GDPGP1: variants seen among roughly 807,000 people sequenced by gnomAD.
GDPGP1 encodes GDP-D-glucose phosphorylase 1.
A neutral mutation model predicts 19.2 loss-of-function variants in GDPGP1; 18 were observed. The ratio of observed to expected loss-of-function variants is 0.94; its 90% confidence interval spans 0.65 to 1.39. GDPGP1 has a LOEUF of 1.39. GDPGP1 is among the 40% of genes most tolerant of loss of function. The pLI, the probability that GDPGP1 is intolerant of heterozygous loss-of-function variation, is 0.00. For missense variants in GDPGP1, 449 were observed against 490.5 expected (o/e 0.92, Z 0.80); for synonymous variants, 219 against 208.9 (o/e 1.05, Z -0.42).
Position 90,241,796 on chromosome 15 carries a change from G to C in GDPGP1, c.888G>C (p.Pro296=). The C allele has an allele frequency of 6.2e-7, 1 of 1,614,056 alleles. No homozygotes were observed. The highest frequency in any genetic ancestry group is 8.5e-7 in the Non-Finnish European group (1 of 1,180,034). ...AHNLFVTRGA[P]PGKTSPSSAL... ...ACTTGTTTGTCACCCGGGGAGCTCC[G>C]CCGGGAAAGACATCACCTTCCTCAG... The change falls in exon 4 of 4, where the codon CCG becomes CCC. Residue 296 remains proline, a synonymous_variant. Transcript: ENST00000329600.
chr15:90,237,642 C>A (rs1457868586), intron 2 of GDPGP1, among the ~76,000 whole-genome samples: 1 of 152,110 alleles, frequency 6.6e-6, no homozygotes, highest in African/African-American at 2.4e-5. Context: ...CGTTAAACAT[C>A]CCAAATGTGC....
In GDPGP1 at chr15:90,241,371, G is replaced by A. The variant is rs1185062819; in HGVS notation, c.463G>A (p.Val155Met). ...GACTCTGCTGCAAGAAGACATCCTG[G>A]TGGTGATCAACGTCAGCCCCCTGGA... ...PGTLLQEDIL[V>M]VINVSPLEWG... The change falls in exon 4 of 4, where the codon GTG (valine) becomes ATG (methionine). Residue 155 changes from valine to methionine, a missense_variant. Transcript: ENST00000329600. The A allele has an allele frequency of 5.0e-6, 8 of 1,614,018 alleles. No individual in the cohort carries two copies. Among genetic ancestry groups the A allele is most frequent in the Non-Finnish European group, 6.8e-6 (8 of 1,180,048 alleles).
intron 3 of GDPGP1, among the ~76,000 whole-genome samples, chr15:90,239,615 A>G (rs1962707710): frequency 6.6e-6 from 1 of 152,172 alleles, no homozygotes; most frequent in African/African-American, 2.4e-5. Context: ...CCCATGATTC[A>G]TTTACTTTCC....
In GDPGP1 at chr15:90,241,446, C is replaced by A; in HGVS notation, c.538C>A (p.Arg180Ser). 1.2e-6 allele frequency: 2 copies of A among 1,613,534 alleles called. No individual in the cohort carries two copies. The highest frequency in any genetic ancestry group is 1.1e-5 in the South Asian group (1 of 91,074). The change falls in exon 4 of 4, where the codon CGC (arginine) becomes AGC (serine). Residue 180 changes from arginine to serine, a missense_variant. Arg to Ser is a moderately radical substitution (Grantham distance 110, BLOSUM62 -1). Transcript: ENST00000329600. ...TGAGCCTGCCCGCCAGCTCCCCCAG[C>A]GCCTGCTGCCGGGTGCACTGAGGGC... ...VPEPARQLPQRLLPGALRAGI... is the reference protein window; with the variant it reads ...VPEPARQLPQSLLPGALRAGI...
rs1657249293 is a variant in GDPGP1 at position 90,244,827 on chromosome 15, T to C, written c.*2761T>C. ...GTGCGAGACTCAGTCTCAAAATAAA[T>C]AAATACATAAAGTCTTGGGTCCAGC... On this transcript the variant is annotated 3_prime_UTR_variant, in exon 4 of 4. Transcript: ENST00000329600. 6.6e-6 allele frequency: 1 copy of C among 151,998 alleles called. No individual in the cohort carries two copies. Among genetic ancestry groups the C allele is most frequent in the Admixed American group, 6.6e-5 (1 of 15,254 alleles). The allele number at this position is 151,998 out of a possible 1,614,324, so 9.4% of individuals were successfully genotyped here.
Position 90,241,556 on chromosome 15 carries a change from CCT to C in GDPGP1, c.650_651del (p.Leu217ProfsTer48). ...SLGGLASVNH[L>X]HLHGYYLAHR... Reference sequence around the variant, plus strand: ...TGGGAGGCTTGGCCTCGGTGAACCACCTCCACCTGCATGGCTATTACCTGGCC... The same window carrying C: ...TGGGAGGCTTGGCCTCGGTGAACCACCCACCTGCATGGCTATTACCTGGCC... On this transcript the variant is annotated frameshift_variant, in exon 4 of 4. Transcript: ENST00000329600. LOFTEE classifies it high-confidence loss of function. The C allele has an allele frequency of 6.2e-7, 1 of 1,613,276 alleles. No individual in the cohort carries two copies. Among genetic ancestry groups the C allele is most frequent in the Non-Finnish European group, 8.5e-7 (1 of 1,180,028 alleles).
At position 90,240,936 on chromosome 15, in the gene GDPGP1, A is replaced by G. The variant is rs766515619; in HGVS notation, c.28A>G (p.Thr10Ala). ...GGCTCTTCCACATGATTCAAACGAA[A>G]CTTCCTATTTGCTGCCTCCCAACAA... MALPHDSNE[T>A]SYLLPPNNED... The change falls in exon 4 of 4, where the codon ACT (threonine) becomes GCT (alanine). Residue 10 changes from threonine (T) to alanine (A), a missense_variant. Thr to Ala is a moderately conservative substitution (Grantham distance 58). Transcript: ENST00000329600. The G allele has an allele frequency of 3.1e-6, 5 of 1,614,016 alleles. No homozygotes were observed. In the East Asian group the frequency reaches 1.1e-4, roughly 36 times the overall value.
intron 2 of GDPGP1, among the ~76,000 whole-genome samples, 155 bp from the exon 3 acceptor site, chr15:90,238,337 T>C (rs1013642634): frequency 6.6e-5 from 10 of 152,170 alleles, no homozygotes; most frequent in Admixed American, 2.6e-4. Flanking sequence ...TTTCTAAGTG[T>C]ATAGTCGTGT....
rs575390771 is a variant in GDPGP1, at chr15:90,240,791, G to A, written c.-9-109G>A. ...TCACTGCCACTGCACTCCAGCCTGG[G>A]TGACAGAGTGAGACTCCATCTCAAA... On this transcript the variant is annotated intron_variant, in intron 3 of 3. Transcript: ENST00000329600. 4.0e-4 allele frequency: 280 copies of A among 697,462 alleles called. 2 individuals are homozygous for A. In the African/African-American group the frequency reaches 4.3e-3, roughly 11 times the overall value. The allele number at this position is 697,462 out of a possible 1,614,324, so 43.2% of individuals were successfully genotyped here.
At chr15:90,234,986 G>C (rs1165439180) in intron 2 of GDPGP1, among the ~76,000 whole-genome samples, 2 of 152,180 alleles carry the variant, frequency 1.3e-5, no homozygotes, top group African/African-American at 4.8e-5. Context: ...TATACTTGCT[G>C]ATCTTTGTAA....
chr15:90,241,378 T>A lies in GDPGP1; in HGVS notation c.470T>A (p.Ile157Asn), dbSNP rs1180294452. ...CTGCAAGAAGACATCCTGGTGGTGA[T>A]CAACGTCAGCCCCCTGGAGTGGGGC... Reference protein sequence around the residue: ...TLLQEDILVVINVSPLEWGHV... With the variant: ...TLLQEDILVVNNVSPLEWGHV... Residue 157 changes from isoleucine to asparagine, a missense_variant, in exon 4 of 4, where the codon ATC (isoleucine) becomes AAC (asparagine). Transcript: ENST00000329600. The A allele has an allele frequency of 2.5e-6, 4 of 1,614,074 alleles. No homozygotes were observed.
At position 90,241,763 on chromosome 15, in the gene GDPGP1, T is replaced by C; in HGVS notation, c.855T>C (p.Ile285=). The C allele has an allele frequency of 8.1e-6, 13 of 1,614,230 alleles. No individual in the cohort carries two copies. Among genetic ancestry groups the C allele is most frequent in the Non-Finnish European group, 1.1e-5 (13 of 1,180,030 alleles). ...CTGATTATCTGACTGACCATGAGAT[T>C]GCTCATAACTTGTTTGTCACCCGGG... The part of the protein sequence containing the change: ...RATDYLTDHE[I]AHNLFVTRGA... Residue 285 remains isoleucine (I), a synonymous_variant, in exon 4 of 4, where the codon ATT becomes ATC. Coordinates refer to ENST00000329600, the MANE Select transcript of GDPGP1 (RefSeq NM_001013657.3).
At chr15:90,238,784 G>C (rs193153443) in intron 3 of GDPGP1, among the ~76,000 whole-genome samples, 4 of 152,120 alleles carry the variant, frequency 2.6e-5, no homozygotes, top group African/African-American at 9.7e-5. Flanking sequence ...CAAAAGAAGT[G>C]GTCATCTTTG....
Position 90,241,868 on chromosome 15 carries a change from T to G in GDPGP1, c.960T>G (p.Phe320Leu), listed in dbSNP as rs1962770245. The G allele has an allele frequency of 5.6e-6, 9 of 1,614,058 alleles. No homozygotes were observed. The highest frequency in any genetic ancestry group is 5.9e-6 in the Non-Finnish European group (7 of 1,180,036). The change falls in exon 4 of 4, where the codon TTT becomes TTG. Residue 320 changes from phenylalanine (F) to leucine (L), a missense_variant. By Grantham distance (22) the Phe-to-Leu change is conservative. Transcript: ENST00000329600. The stretch of plus-strand genomic sequence containing the variant: ...TTCTGTGGGCCCGGAAGTCCAGCTT[T>G]GGGATAAAGGACGGTGAAGCTTTCA... The part of the protein sequence containing the change: ...RVILWARKSS[F>L]GIKDGEAFNV...
Position 90,241,076 on chromosome 15 carries a change from A to G in GDPGP1, c.168A>G (p.Gln56=), listed in dbSNP as rs755871489. ...NAPGIPDALP[Q]SPFDAALCSA... ...CTGGCATCCCAGATGCTCTGCCACA[A>G]TCTCCCTTTGATGCTGCACTCTGCT... The change falls in exon 4 of 4, where the codon CAA becomes CAG. Residue 56 remains glutamine (Q), a synonymous_variant. Coordinates refer to ENST00000329600, the MANE Select transcript of GDPGP1 (RefSeq NM_001013657.3). The G allele has an allele frequency of 1.2e-6, 2 of 1,614,120 alleles. No individual in the cohort carries two copies. Among genetic ancestry groups the G allele is most frequent in the Non-Finnish European group, 1.7e-6 (2 of 1,180,016 alleles).
At chr15:90,234,773 G>C (rs1183436459) in intron 2 of GDPGP1, among the ~76,000 whole-genome samples, 177 bp downstream of exon 2, 1 of 152,154 alleles carries the variant, frequency 6.6e-6, no homozygotes, top group African/African-American at 2.4e-5. Flanking sequence ...CTCACCCCTA[G>C]ACTGCTGACC....
At chr15:90,236,821 C>A (rs1443904343) in intron 2 of GDPGP1, among the ~76,000 whole-genome samples, 1 of 152,056 alleles carries the variant, frequency 6.6e-6, no homozygotes, top group African/African-American at 2.4e-5. Flanking sequence ...CACGCCCGGC[C>A]TCTCATGGTA....
At chr15:90,239,457 A>G (rs1442412543) in intron 3 of GDPGP1, among the ~76,000 whole-genome samples, 3 of 152,128 alleles carry the variant, frequency 2.0e-5, no homozygotes, top group South Asian at 2.1e-4. Flanking sequence ...GAAACTTACA[A>G]TCATGACAGA....
Position 90,241,541 on chromosome 15 carries a change from G to C in GDPGP1, c.633G>C (p.Leu211Phe), listed in dbSNP as rs1406466886. Residue 211 changes from leucine (L) to phenylalanine (F), a missense_variant, in exon 4 of 4, where the codon TTG becomes TTC. Leu to Phe is a conservative substitution (Grantham distance 22, BLOSUM62 0). Transcript: ENST00000329600. ...FRVGFNSLGG[L>F]ASVNHLHLHG... ...TCGGCTTCAACAGCCTGGGAGGCTTGGCCTCGGTGAACCACCTCCACCTGC... is the reference window on the plus strand; with the variant it reads ...TCGGCTTCAACAGCCTGGGAGGCTTCGCCTCGGTGAACCACCTCCACCTGC... 2 of 1,613,288 alleles carry C rather than the reference G, an allele frequency of 1.2e-6. No individual in the cohort carries two copies. The highest frequency in any genetic ancestry group is 1.7e-6 in the Non-Finnish European group (2 of 1,180,048).
Sources: gnomAD v4.1 joint callset for allele counts (sites outside exome capture counted in the v4.1 genomes callset) on GRCh38, gnomAD v4.1.1 for gene constraint, MANE v1.5 for transcripts, NCBI Gene and HGNC (gene_info 2026-07-23, HGNC 2026-07-21) for gene names.